Variants in PIEZO2 observed in about 807,000 individuals in gnomAD.
The protein encoded by PIEZO2 is piezo-type mechanosensitive ion channel component 2.
In PIEZO2, 172 loss-of-function variants were observed where a neutral mutation model predicts 337.3. The observed-to-expected ratio is 0.51, with a 90% CI of 0.45 to 0.58. The LOEUF is 0.58. Among genes scored for constraint, PIEZO2 ranks in the 20% least tolerant of loss-of-function variants. The probability of loss-of-function intolerance (pLI) is 0.00; values close to 1 mark genes in which losing one functional copy is unlikely to be tolerated. For synonymous variants in PIEZO2, 1,251 were observed against 1,228.5 expected, an observed-to-expected ratio of 1.02 and a Z score of -0.38; for missense variants, 3,028 against 3,391.3, an observed-to-expected ratio of 0.89 and a Z score of 2.66.
intron 37 of PIEZO2, 132 bp from the exon 38 acceptor site, chr18:10,715,948 A>G: frequency 1.4e-6 from 1 of 712,184 alleles, no homozygotes; most frequent in Non-Finnish European, 2.3e-6. Context: ...CATGTGACTC[A>G]GATACTCATG....
intron 52 of PIEZO2, among the ~76,000 whole-genome samples, chr18:10,678,617 G>A (rs2034120237): frequency 6.6e-6 from 1 of 151,988 alleles, no homozygotes. Context: ...TGTGATGAAA[G>A]AGCTAAGTTA....
chr18:10,900,178 TAC>T (rs56708718), intron 4 of PIEZO2, among the ~76,000 whole-genome samples: 87,766 of 148,214 alleles, frequency 0.59, 25,903 homozygotes, highest in East Asian at 0.79. Flanking sequence ...TTACTTTTGT[TAC>T]ACACACACAC....
chr18:10,690,021 A>G (rs2034734000), intron 48 of PIEZO2, among the ~76,000 whole-genome samples: 1 of 152,192 alleles, frequency 6.6e-6, no homozygotes, highest in Non-Finnish European at 1.5e-5. Flanking sequence ...CTTTTCTCTG[A>G]TGATCATAAC....
At chr18:10,699,209 T>C (rs375248087) in intron 43 of PIEZO2, 32 bp from the exon 44 acceptor site, 1 of 1,536,548 alleles carries the variant, frequency 6.5e-7, no homozygotes, top group African/African-American at 1.4e-5. Context: ...CAAATGAGGC[T>C]ACTGTTTCAG....
chr18:10,937,621 A>G (rs1356494514), intron 3 of PIEZO2, among the ~76,000 whole-genome samples: 1 of 152,172 alleles, frequency 6.6e-6, no homozygotes, highest in Non-Finnish European at 1.5e-5. Context: ...CCTATATTAA[A>G]ACATCAAGCT....
In PIEZO2 at chr18:10,748,548, C is replaced by T. The variant is rs780067966; in HGVS notation, c.4347G>A (p.Leu1449=). The stretch of plus-strand genomic sequence containing the variant: ...AATAACTCATGAAAACTCTTCTTTG[C>T]AGCAGGAGGAAGGCAAAACATATGC... ...WDSICFAFLL[L]QRRVFMSYYF... Residue 1449 remains leucine, a synonymous_variant, in exon 30 of 56, where the codon CTG becomes CTA. Transcript: ENST00000674853. This position sits in a 1 kb window ranked among gnomAD's most constrained non-coding sequence, Gnocchi z 5.1. The T allele has an allele frequency of 2.9e-5, 44 of 1,536,382 alleles. No homozygotes were observed. Among genetic ancestry groups the T allele is most frequent in the Non-Finnish European group, 3.6e-5 (41 of 1,146,566 alleles).
Position 10,766,240 on chromosome 18 carries a change from A to C in PIEZO2, c.2947-3142T>G, listed in dbSNP as rs912843884. On this transcript the variant is annotated intron_variant, in intron 21 of 55. Coordinates refer to ENST00000674853, the MANE Select transcript of PIEZO2 (RefSeq NM_001378183.1). This position sits in a 1 kb window ranked among gnomAD's most constrained non-coding sequence, Gnocchi z 6.1. The stretch of plus-strand genomic sequence containing the variant: ...AGAAAGAAGGAGGAACAGGAGGAGG[A>C]GGAGGGATAAGGAAGAAGAAGAGGA... Among the ~76,000 whole-genome samples the C allele has an allele frequency of 4.3e-5, 3 of 69,088 alleles. No homozygotes were observed. The highest frequency in any genetic ancestry group is 1.9e-4 in the African/African-American group (3 of 15,710). 45.3% of individuals were successfully genotyped at this position (69,088 alleles called of 152,430 possible).
At chr18:11,081,387 A>G (rs1345584952) in intron 1 of PIEZO2, among the ~76,000 whole-genome samples, 1 of 152,244 alleles carries the variant, frequency 6.6e-6, no homozygotes, top group African/African-American at 2.4e-5. Flanking sequence ...GGCAGCCAGG[A>G]GAAGAGGAAA....
intron 35 of PIEZO2, among the ~76,000 whole-genome samples, chr18:10,731,943 G>A (rs1458860248): frequency 6.6e-6 from 1 of 152,098 alleles, no homozygotes. Flanking sequence ...ATTTACTTTG[G>A]GAAAATAGTT....
At position 10,930,779 on chromosome 18, in the gene PIEZO2, T is replaced by C. The variant is rs58317179; in HGVS notation, c.287-19551A>G. ...TCAAAAACAAAGACATAGGCAGTTA[T>C]TAAAGATAAATTTTTTTGAAATTCT... On this transcript the variant is annotated intron_variant, in intron 3 of 55. Transcript: ENST00000674853. 3.3e-3 allele frequency among the ~76,000 whole-genome samples: 510 copies of C among 152,316 alleles called. 2 individuals carry two copies. The highest frequency in any genetic ancestry group is 0.011 in the African/African-American group (471 of 41,568).
intron 20 of PIEZO2, among the ~76,000 whole-genome samples, chr18:10,771,018 C>T (rs1490524371): frequency 1.3e-5 from 2 of 152,134 alleles, no homozygotes; most frequent in African/African-American, 4.8e-5. Flanking sequence ...GGCATGAGCG[C>T]CCATGCCCCC....
rs1254989459 is a variant in PIEZO2 at position 10,872,410 on chromosome 18, G to A, written c.330-995C>T. Among the ~76,000 whole-genome samples the A allele has an allele frequency of 6.6e-6, 1 of 152,186 alleles. No homozygotes were observed. The highest frequency in any genetic ancestry group is 1.5e-5 in the Non-Finnish European group (1 of 68,034). On this transcript the variant is annotated intron_variant, in intron 4 of 55. Coordinates refer to ENST00000674853, the MANE Select transcript of PIEZO2 (RefSeq NM_001378183.1). The surrounding 1 kb of genome is among the most constrained non-coding windows in gnomAD (Gnocchi z 4.3). ...ACAAACGCCATCTGTGATTTTGGGAGGCGTCCAGTGGTAATGAATATGGGA... is the reference window on the plus strand; with the variant it reads ...ACAAACGCCATCTGTGATTTTGGGAAGCGTCCAGTGGTAATGAATATGGGA...
At position 10,724,416 on chromosome 18, in the gene PIEZO2, T is replaced by A. The variant is rs185559091; in HGVS notation, c.5030-6157A>T. ...CCTGGCCCAGCATACTTGGGTGAAG[T>A]CTGCTGGAGGCAATGCATGCTGCAG... On this transcript the variant is annotated intron_variant, in intron 36 of 55. Coordinates refer to ENST00000674853, the MANE Select transcript of PIEZO2 (RefSeq NM_001378183.1). The surrounding 1 kb of genome is among the most constrained non-coding windows in gnomAD (Gnocchi z 5.8). 9.2e-5 allele frequency among the ~76,000 whole-genome samples: 14 copies of A among 152,142 alleles called. No homozygotes were observed. In the East Asian group the frequency reaches 2.3e-3, roughly 25 times the overall value.
At chr18:10,897,532 C>T (rs1411039554) in intron 4 of PIEZO2, among the ~76,000 whole-genome samples, 1 of 152,124 alleles carries the variant, frequency 6.6e-6, no homozygotes, top group Non-Finnish European at 1.5e-5. Context: ...TCACTTGGCT[C>T]TCATTCTCTC....
Position 10,726,915 on chromosome 18 carries a change from G to A in PIEZO2, c.5029+4492C>T, listed in dbSNP as rs546680194. The A allele has an allele frequency of 6.4e-7, 1 of 1,572,560 alleles. No individual in the cohort carries two copies. Among genetic ancestry groups the A allele is most frequent in the Admixed American group, 1.8e-5 (1 of 55,928 alleles). Reference sequence around the variant, plus strand: ...CCACCAACCGGCTGGATGTGGCGGAGCTGGGTCGCCTGCTGCCCGACTGAT... The same window carrying A: ...CCACCAACCGGCTGGATGTGGCGGAACTGGGTCGCCTGCTGCCCGACTGAT... On this transcript the variant is annotated intron_variant, in intron 36 of 55. Transcript: ENST00000674853. This position sits in a 1 kb window ranked among gnomAD's most constrained non-coding sequence, Gnocchi z 5.9.
In PIEZO2 at chr18:10,795,450, G is replaced by A. The variant is rs1420952205; in HGVS notation, c.1528-448C>T. ...TTAAAGAAAAGACCAAACTTATCTG[G>A]CTTAGAGAGAAAAAAAAATGGTATA... is the stretch of plus-strand genomic sequence containing the variant. On this transcript the variant is annotated intron_variant, in intron 12 of 55. Transcript: ENST00000674853. This position sits in a 1 kb window ranked among gnomAD's most constrained non-coding sequence, Gnocchi z 4.4. Among the ~76,000 whole-genome samples, 1 of 149,710 alleles carries A rather than the reference G, an allele frequency of 6.7e-6. No individual in the cohort carries two copies. The highest frequency in any genetic ancestry group is 1.5e-5 in the Non-Finnish European group (1 of 67,688).
chr18:10,698,756 C>T (rs2059868199), intron 44 of PIEZO2, among the ~76,000 whole-genome samples, 169 bp downstream of exon 44: 1 of 152,198 alleles, frequency 6.6e-6, no homozygotes, highest in South Asian at 2.1e-4. Context: ...ACAGCTGAGG[C>T]AGGATTTGAA....
intron 2 of PIEZO2, among the ~76,000 whole-genome samples, chr18:11,057,806 T>G (rs2037785889): frequency 6.6e-6 from 1 of 152,236 alleles, no homozygotes; most frequent in African/African-American, 2.4e-5. Flanking sequence ...ACCCACCAGT[T>G]AAGTGTACTG....
chr18:10,721,579 G>GA (rs139154922), intron 36 of PIEZO2, among the ~76,000 whole-genome samples: 6,888 of 149,236 alleles, frequency 0.046, 516 homozygotes, highest in African/African-American at 0.16. Context: ...ACACAATTCT[G>GA]AAAAAAAAAG....
Sources: allele counts gnomAD v4.1 joint callset (sites outside exome capture counted in the v4.1 genomes callset), GRCh38; gene constraint gnomAD v4.1.1; non-coding constraint Gnocchi (gnomAD v3.1); transcripts MANE v1.5; gene names NCBI Gene and HGNC (gene_info 2026-07-23, HGNC 2026-07-21).